The following TMEM121B variants were observed in gnomAD, a reference collection of about 807,000 sequenced individuals.
TMEM121B encodes cat eye syndrome chromosome region, candidate 6.
In TMEM121B, 14 loss-of-function variants were observed where a neutral mutation model predicts 25.1. The ratio of observed to expected loss-of-function variants is 0.56; its 90% confidence interval spans 0.37 to 0.87. TMEM121B has a LOEUF of 0.87. Ranked by LOEUF, TMEM121B falls within the 40% of genes least tolerant of loss-of-function variation. The pLI is 0.00. For synonymous variants in TMEM121B, 458 were observed against 420.9 expected (o/e 1.09, Z -1.08); for missense variants, 850 against 854.6 (o/e 0.99, Z 0.07).
Position 17,116,434 on chromosome 22 carries a change from A to G in TMEM121B, c.*2957T>C, listed in dbSNP as rs150545480. ...TCTAACCGCCAGCTAGCTCTCTTTC[A>G]CAAAACCCACGGATGCAGAATCAGG... is the stretch of plus-strand genomic sequence containing the variant. On this transcript the variant is annotated 3_prime_UTR_variant, in exon 1 of 1. Transcript: ENST00000331437. 2 of 152,554 alleles carry G rather than the reference A, an allele frequency of 1.3e-5. No individual in the cohort carries two copies. The highest frequency in any genetic ancestry group is 4.8e-5 in the African/African-American group (2 of 41,586). 9.5% of individuals were successfully genotyped at this position (152,554 alleles called of 1,614,324 possible). A position where few individuals can be genotyped will look rare whatever the true frequency, so the allele number is the denominator to read the frequency against.
Position 17,120,965 on chromosome 22 carries a change from C to G in TMEM121B, c.163G>C (p.Gly55Arg), listed in dbSNP as rs748238963. ...DSSTSTSTSRGGGGGRRGGGG... is the reference protein window; with the variant it reads ...DSSTSTSTSRRGGGGRRGGGG... The stretch of plus-strand genomic sequence containing the variant: ...CCGCCGCGTCTGCCGCCGCCTCCCC[C>G]GCGGCTGGTGCTGGTGCTGGTGCTG... Residue 55 changes from glycine (G) to arginine (R), a missense_variant, in exon 1 of 1, where the codon GGG becomes CGG. Transcript: ENST00000331437. 6 of 1,426,100 alleles carry G rather than the reference C, an allele frequency of 4.2e-6. No individual in the cohort carries two copies. The highest frequency in any genetic ancestry group is 5.4e-5 in the Admixed American group (2 of 37,180). 88.3% of individuals were successfully genotyped at this position (1,426,100 alleles called of 1,614,324 possible).
rs375122237 is a variant in TMEM121B at position 17,119,610 on chromosome 22, G to A, written c.1518C>T (p.Phe506=). 15 of 1,543,114 alleles carry A rather than the reference G, an allele frequency of 9.7e-6. No homozygotes were observed. Among genetic ancestry groups the A allele is most frequent in the Non-Finnish European group, 1.3e-5 (15 of 1,148,812 alleles). The part of the protein sequence containing the change: ...LSIFMLKNLF[F]LGCRGLEALE... ...GGGCCTCCAGGCCCCGGCAGCCGAG[G>A]AAGAAGAGGTTCTTGAGCATGAAGA... Residue 506 remains phenylalanine, a synonymous_variant, in exon 1 of 1, where the codon TTC becomes TTT. Transcript: ENST00000331437.
In TMEM121B at chr22:17,119,734, C is replaced by A; in HGVS notation, c.1394G>T (p.Cys465Phe). The A allele has an allele frequency of 6.5e-7, 1 of 1,545,706 alleles. No individual in the cohort carries two copies. The highest frequency in any genetic ancestry group is 1.2e-5 in the South Asian group (1 of 85,146). ...GCCCAGCAGGCGCAGAAGGCGGCTG[C>A]AGCTGCCAGGCCCGGAGGCCTGGCC... ...SWGQASGPGSCSRLLRLLGGC... is the reference protein window; with the variant it reads ...SWGQASGPGSFSRLLRLLGGC... The change falls in exon 1 of 1, where the codon TGC (cysteine) becomes TTC (phenylalanine). Residue 465 changes from cysteine (C) to phenylalanine (F), a missense_variant. Coordinates refer to ENST00000331437, the MANE Select transcript of TMEM121B (RefSeq NM_031890.4).
At position 17,119,839 on chromosome 22, in the gene TMEM121B, G is replaced by C. The variant is rs2061488192; in HGVS notation, c.1289C>G (p.Ala430Gly). 9 of 1,587,332 alleles carry C rather than the reference G, an allele frequency of 5.7e-6. No individual in the cohort carries two copies. The highest frequency in any genetic ancestry group is 7.7e-6 in the Non-Finnish European group (9 of 1,174,666). The stretch of plus-strand genomic sequence containing the variant: ...CGAGGCGAGGGTGAGGAAGTAGACG[G>C]CGATAAGCAGGTAGCGCAGGTGCGC... ...LPAHLRYLLI[A>G]VYFLTLASPV... The change falls in exon 1 of 1, where the codon GCC becomes GGC. Residue 430 changes from alanine to glycine, a missense_variant. By Grantham distance (60) the Ala-to-Gly change is moderately conservative. Transcript: ENST00000331437.
Position 17,121,124 on chromosome 22 carries a change from G to A in TMEM121B, c.4C>T (p.Arg2Cys), listed in dbSNP as rs1158227282. M[R>C]PALGHPRSVS... ...GAGCGAGGGTGGCCGAGCGCCGGGC[G>A]CATTGTCCTCCGAGGGGCTCTGGGG... is the stretch of plus-strand genomic sequence containing the variant. Residue 2 changes from arginine (R) to cysteine (C), a missense_variant, in exon 1 of 1, where the codon CGC becomes TGC. Transcript: ENST00000331437. 6 of 1,371,942 alleles carry A rather than the reference G, an allele frequency of 4.4e-6. No individual in the cohort carries two copies. Among genetic ancestry groups the A allele is most frequent in the Admixed American group, 3.1e-5 (1 of 32,618 alleles). The allele number at this position is 1,371,942 out of a possible 1,614,324, so 85.0% of individuals were successfully genotyped here.
Position 17,120,234 on chromosome 22 carries a change from C to A in TMEM121B, c.894G>T (p.Ala298=). The part of the protein sequence containing the change: ...ARGARGGAGG[A]GGGLGAAAAA... ...CCGCGGCCGCCCCCAGGCCGCCCCC[C>A]GCGCCGCCGGCGCCCCCGCGGGCTC... Residue 298 remains alanine (A), a synonymous_variant, in exon 1 of 1, where the codon GCG becomes GCT. Transcript: ENST00000331437. 1 of 1,281,586 alleles carries A rather than the reference C, an allele frequency of 7.8e-7. No individual in the cohort carries two copies. Among genetic ancestry groups the A allele is most frequent in the Admixed American group, 4.0e-5 (1 of 25,090 alleles). 79.4% of individuals were successfully genotyped at this position (1,281,586 alleles called of 1,614,324 possible).
Position 17,120,000 on chromosome 22 carries a change from G to C in TMEM121B, c.1128C>G (p.Pro376=). 6.2e-7 allele frequency: 1 copy of C among 1,601,624 alleles called. No individual in the cohort carries two copies. The highest frequency in any genetic ancestry group is 8.5e-7 in the Non-Finnish European group (1 of 1,177,664). Residue 376 remains proline, a synonymous_variant, in exon 1 of 1, where the codon CCC becomes CCG. Coordinates refer to ENST00000331437, the MANE Select transcript of TMEM121B (RefSeq NM_031890.4). The part of the protein sequence containing the change: ...LVRAISEAGA[P]PGSAGPLLLQ... ...GCAGCAGGGGTCCTGCCGATCCCGG[G>C]GGCGCGCCCGCCTCGCTGATGGCCC...
rs191835879 is a variant in TMEM121B, at chr22:17,119,307, C to T, written c.*84G>A. On this transcript the variant is annotated 3_prime_UTR_variant, in exon 1 of 1. Coordinates refer to ENST00000331437, the MANE Select transcript of TMEM121B (RefSeq NM_031890.4). The stretch of plus-strand genomic sequence containing the variant: ...AAGGGTTACCTCTTCCAAATAGACC[C>T]TGATCAAATCTAGGTGACAGAAGGT... 2.4e-5 allele frequency: 36 copies of T among 1,516,934 alleles called. No individual in the cohort carries two copies. The East Asian group carries it at 8.3e-4, about 35-fold the overall frequency. The allele number at this position is 1,516,934 out of a possible 1,614,324, so 94.0% of individuals were successfully genotyped here.
Position 17,120,430 on chromosome 22 carries a change from G to A in TMEM121B, c.698C>T (p.Thr233Ile). ...CCAGCCCACCACCACCACCAGGTCA[G>A]TGGCGATCCAGGAGCACCAGTACAG... The part of the protein sequence containing the change: ...TDLYWCSWIA[T>I]DLVVVVGWAI... Residue 233 changes from threonine (T) to isoleucine (I), a missense_variant, in exon 1 of 1, where the codon ACT becomes ATT. Thr to Ile is a moderately conservative substitution (Grantham distance 89, BLOSUM62 -1). Transcript: ENST00000331437. 1 of 1,576,234 alleles carries A rather than the reference G, an allele frequency of 6.3e-7. No individual in the cohort carries two copies. Among genetic ancestry groups the A allele is most frequent in the Non-Finnish European group, 8.6e-7 (1 of 1,166,076 alleles).
rs1555876258 is a variant in TMEM121B, at chr22:17,120,739, C to CAGGAGGAGGTGGGCGTGGAGGTGG, written c.365_388dup (p.Ser122_Ser129dup). 3.2e-5 allele frequency: 37 copies of CAGGAGGAGGTGGGCGTGGAGGTGG among 1,150,744 alleles called. No individual in the cohort carries two copies. Among genetic ancestry groups the CAGGAGGAGGTGGGCGTGGAGGTGG allele is most frequent in the African/African-American group, 4.9e-5 (3 of 61,288 alleles). 71.3% of individuals were successfully genotyped at this position (1,150,744 alleles called of 1,614,324 possible). A position where few individuals can be genotyped will look rare whatever the true frequency, so the allele number is the denominator to read the frequency against. On this transcript the variant is annotated inframe_insertion, in exon 1 of 1. Coordinates refer to ENST00000331437, the MANE Select transcript of TMEM121B (RefSeq NM_031890.4). Reference sequence around the variant, plus strand: ...GCCGAAGTCCGCGGCTGTCATGCTGCAGGAGGAGGTGGGCGTGGAGGTGGA... The same window carrying CAGGAGGAGGTGGGCGTGGAGGTGG: ...GCCGAAGTCCGCGGCTGTCATGCTGCAGGAGGAGGTGGGCGTGGAGGTGGAGGAGGAGGTGGGCGTGGAGGTGGA...
Position 17,121,073 on chromosome 22 carries a change from G to A in TMEM121B, c.55C>T (p.Pro19Ser), listed in dbSNP as rs778196332. ...RSVSSASGSFPPPPAAARLQP... is the reference protein window; with the variant it reads ...RSVSSASGSFSPPPAAARLQP... ...AGCCGGGCGGCTGCCGGGGGCGGCG[G>A]GAAGGAACCGGACGCGGAGGAGACC... The change falls in exon 1 of 1, where the codon CCG becomes TCG. Residue 19 changes from proline to serine, a missense_variant. Coordinates refer to ENST00000331437, the MANE Select transcript of TMEM121B (RefSeq NM_031890.4). The A allele has an allele frequency of 1.9e-5, 27 of 1,450,270 alleles. 1 individual carries two copies. In the South Asian group the frequency reaches 3.5e-4, roughly 19 times the overall value. 89.8% of individuals were successfully genotyped at this position (1,450,270 alleles called of 1,614,324 possible).
chr22:17,120,374 G>A lies in TMEM121B; in HGVS notation c.754C>T (p.Arg252Cys), dbSNP rs1236978571. 2 of 1,545,782 alleles carry A rather than the reference G, an allele frequency of 1.3e-6. No homozygotes were observed. Among genetic ancestry groups the A allele is most frequent in the South Asian group, 2.3e-5 (2 of 86,048 alleles). Residue 252 changes from arginine (R) to cysteine (C), a missense_variant, in exon 1 of 1, where the codon CGT becomes TGT. Physicochemically the swap from Arg to Cys is radical, Grantham distance 180 (BLOSUM62 -3). Coordinates refer to ENST00000331437, the MANE Select transcript of TMEM121B (RefSeq NM_031890.4). ...AIFFAKNSRG[R>C]RGGAASGAHN... Reference sequence around the variant, plus strand: ...GCGCCGCTGGCTGCGCCGCCCCGACGGCCCCGGCTGTTCTTGGCGAAGAAG... The same window carrying A: ...GCGCCGCTGGCTGCGCCGCCCCGACAGCCCCGGCTGTTCTTGGCGAAGAAG...
chr22:17,119,097 A>C lies in TMEM121B; in HGVS notation c.*294T>G. On this transcript the variant is annotated 3_prime_UTR_variant, in exon 1 of 1. Coordinates refer to ENST00000331437, the MANE Select transcript of TMEM121B (RefSeq NM_031890.4). ...ACCCCTCTCCTCCTAATGGATGGGAATTAGAGTGGAGGTGGGCAAAGCAAG... is the reference window on the plus strand; with the variant it reads ...ACCCCTCTCCTCCTAATGGATGGGACTTAGAGTGGAGGTGGGCAAAGCAAG... 1.7e-5 allele frequency: 6 copies of C among 352,752 alleles called. No individual in the cohort carries two copies. The highest frequency in any genetic ancestry group is 2.6e-5 in the Non-Finnish European group (5 of 192,600). The allele number at this position is 352,752 out of a possible 1,614,324, so 21.9% of individuals were successfully genotyped here.
Position 17,119,162 on chromosome 22 carries a change from A to C in TMEM121B, c.*229T>G. 7.6e-6 allele frequency: 4 copies of C among 525,106 alleles called. No individual in the cohort carries two copies. Among genetic ancestry groups the C allele is most frequent in the Non-Finnish European group, 9.9e-6 (3 of 303,652 alleles). 32.5% of individuals were successfully genotyped at this position (525,106 alleles called of 1,614,324 possible). On this transcript the variant is annotated 3_prime_UTR_variant, in exon 1 of 1. Transcript: ENST00000331437. ...GCCCCTTGGAGGTCAGGATTGGGGT[A>C]GGATAGGAGAAGAGAGGAGAGGGTA...
rs3827295 is a variant in TMEM121B, at chr22:17,119,607, G to A, written c.1521C>T (p.Leu507=). Reference sequence around the variant, plus strand: ...CCAGGGCCTCCAGGCCCCGGCAGCCGAGGAAGAAGAGGTTCTTGAGCATGA... The same window carrying A: ...CCAGGGCCTCCAGGCCCCGGCAGCCAAGGAAGAAGAGGTTCTTGAGCATGA... ...SIFMLKNLFF[L]GCRGLEALEG... is the part of the protein sequence containing the mutation. The change falls in exon 1 of 1, where the codon CTC becomes CTT. Residue 507 remains leucine, a synonymous_variant. Coordinates refer to ENST00000331437, the MANE Select transcript of TMEM121B (RefSeq NM_031890.4). 0.071 allele frequency: 109,673 copies of A among 1,542,656 alleles called. 8,292 individuals are homozygous for A. The highest frequency in any genetic ancestry group is 0.33 in the East Asian group (13,725 of 41,118).
rs1161579199 is a variant in TMEM121B at position 17,119,731 on chromosome 22, C to T, written c.1397G>A (p.Ser466Asn). ...WGQASGPGSC[S>N]RLLRLLGGCL... Reference sequence around the variant, plus strand: ...GCCGCCCAGCAGGCGCAGAAGGCGGCTGCAGCTGCCAGGCCCGGAGGCCTG... The same window carrying T: ...GCCGCCCAGCAGGCGCAGAAGGCGGTTGCAGCTGCCAGGCCCGGAGGCCTG... The change falls in exon 1 of 1, where the codon AGC (serine) becomes AAC (asparagine). Residue 466 changes from serine (S) to asparagine (N), a missense_variant. By Grantham distance (46) the Ser-to-Asn change is conservative. Transcript: ENST00000331437. The T allele has an allele frequency of 4.5e-6, 7 of 1,544,372 alleles. No individual in the cohort carries two copies. The Admixed American group carries it at 1.4e-4, about 30-fold the overall frequency.
rs1323713044 is a variant in TMEM121B at position 17,120,239 on chromosome 22, C to A, written c.889G>T (p.Gly297Cys). The change falls in exon 1 of 1, where the codon GGC becomes TGC. Residue 297 changes from glycine to cysteine, a missense_variant. Coordinates refer to ENST00000331437, the MANE Select transcript of TMEM121B (RefSeq NM_031890.4). ...GCCGCCCCCAGGCCGCCCCCCGCGC[C>A]GCCGGCGCCCCCGCGGGCTCCGCGT... ...KARGARGGAGGAGGGLGAAAA... is the reference protein window; with the variant it reads ...KARGARGGAGCAGGGLGAAAA... 1 of 1,255,320 alleles carries A rather than the reference C, an allele frequency of 8.0e-7. No individual in the cohort carries two copies. Among genetic ancestry groups the A allele is most frequent in the Non-Finnish European group, 1.0e-6 (1 of 1,003,686 alleles). The allele number at this position is 1,255,320 out of a possible 1,614,324, so 77.8% of individuals were successfully genotyped here.
In TMEM121B at chr22:17,118,022, G is replaced by A. The variant is rs1299336152; in HGVS notation, c.*1369C>T. 6.6e-6 allele frequency: 1 copy of A among 150,854 alleles called. No homozygotes were observed. The highest frequency in any genetic ancestry group is 1.5e-5 in the Non-Finnish European group (1 of 68,026). The allele number at this position is 150,854 out of a possible 1,614,324, so 9.3% of individuals were successfully genotyped here. A position where few individuals can be genotyped will look rare whatever the true frequency, so the allele number is the denominator to read the frequency against. On this transcript the variant is annotated 3_prime_UTR_variant, in exon 1 of 1. Transcript: ENST00000331437. ...CACATCCTGTTGAGGGTGGAGGGAA[G>A]TGAGTATTTCCTGGCCTTGTTAGCT...
In TMEM121B at chr22:17,121,179, C is replaced by CGGGCGGGCG; in HGVS notation, c.-61_-53dup. On this transcript the variant is annotated 5_prime_UTR_variant, in exon 1 of 1. Coordinates refer to ENST00000331437, the MANE Select transcript of TMEM121B (RefSeq NM_031890.4). ...CCAGCTGTTCCCTCCCCGCCAACCC[C>CGGGCGGGCG]GGGCGGGCGAGGCGGGCTAGGCGGC... 2 of 1,258,374 alleles carry CGGGCGGGCG rather than the reference C, an allele frequency of 1.6e-6. No individual in the cohort carries two copies. The highest frequency in any genetic ancestry group is 1.6e-5 in the African/African-American group (1 of 64,110). 78.0% of individuals were successfully genotyped at this position (1,258,374 alleles called of 1,614,324 possible).
Sources: gnomAD v4.1 joint callset for allele counts on GRCh38, gnomAD v4.1.1 for gene constraint, MANE v1.5 for transcripts, NCBI Gene and HGNC (gene_info 2026-07-23, HGNC 2026-07-21) for gene names.